The following CEACAM1 variants were observed in gnomAD, a reference collection of about 807,000 sequenced individuals.
The protein encoded by CEACAM1 is cell adhesion molecule CEACAM1.
Under a neutral mutation model 49.1 loss-of-function variants are expected in CEACAM1, and 31 were observed. The ratio of observed to expected loss-of-function variants is 0.63; its 90% CI spans 0.47 to 0.85. The LOEUF is 0.85. Ranked by LOEUF, CEACAM1 falls within the 40% of genes least tolerant of loss-of-function variation. CEACAM1 has a pLI of 0.00. For synonymous variants in CEACAM1, 244 were observed against 247.8 expected (o/e 0.98, Z 0.14); for missense variants, 570 against 645.3 (o/e 0.88, Z 1.26).
At chr19:42,519,513 C>A (rs537435005) in intron 4 of CEACAM1, 9 of 389,112 alleles carry the variant, frequency 2.3e-5, no homozygotes, top group Non-Finnish European at 4.2e-5. Context: ...TTGGAATCTT[C>A]TTCTCAGCGC....
chr19:42,511,508 A>G, intron 7 of CEACAM1, 68 bp downstream of exon 7: 1 of 1,303,436 alleles, frequency 7.7e-7, no homozygotes, highest in Non-Finnish European at 1.1e-6. Context: ...GGAATCCAGG[A>G]TTCCCTGCCA....
intron 2 of CEACAM1, among the ~76,000 whole-genome samples, chr19:42,524,760 G>C (rs1020031891): frequency 6.6e-6 from 1 of 152,194 alleles, no homozygotes; most frequent in Non-Finnish European, 1.5e-5. Context: ...GCCCATGACA[G>C]TGAGCAGTGG....
chr19:42,522,097 A>G lies in CEACAM1; in HGVS notation c.530T>C (p.Leu177Pro). ...GAGGCTCTGATTGTTTATCCACCAC[A>G]GGTAGGTTGTGTCCTGAGTCTCAGG... Reference protein sequence around the residue: ...CEPETQDTTYLWWINNQSLPV... With the variant: ...CEPETQDTTYPWWINNQSLPV... The change falls in exon 3 of 9, where the codon CTG becomes CCG. Residue 177 changes from leucine to proline, a missense_variant. By Grantham distance (98) the Leu-to-Pro change is moderately conservative (BLOSUM62 -3). Transcript: ENST00000161559. 6.2e-7 allele frequency: 1 copy of G among 1,614,148 alleles called. No homozygotes were observed.
intron 5 of CEACAM1, among the ~76,000 whole-genome samples, chr19:42,517,624 A>G (rs62114389): frequency 3.1e-3 from 475 of 152,356 alleles, no homozygotes; most frequent in Non-Finnish European, 4.8e-3. Context: ...CCAATGATAT[A>G]CCACCTTATA....
intron 5 of CEACAM1, among the ~76,000 whole-genome samples, chr19:42,517,828 T>A (rs1568656272): frequency 6.6e-6 from 1 of 152,238 alleles, no homozygotes; most frequent in Non-Finnish European, 1.5e-5. Context: ...CACTTCTGAG[T>A]ATCTATTTAA....
chr19:42,520,921 G>A (rs2041729143), intron 4 of CEACAM1: 1 of 269,318 alleles, frequency 3.7e-6, no homozygotes, highest in South Asian at 6.5e-5. Flanking sequence ...GGTAAAAGAA[G>A]GCCAAGAAGT....
intron 3 of CEACAM1, 43 bp from the exon 4 acceptor site, chr19:42,521,564 GA>G (rs1256046998): frequency 6.3e-7 from 1 of 1,594,572 alleles, no homozygotes; most frequent in African/African-American, 1.3e-5. Context: ...TCATCAGAGG[GA>G]AGGGGAAGCT....
rs1402489710 is a variant in CEACAM1, at chr19:42,519,428, T to G, written c.959-193A>C. 5.0e-6 allele frequency: 3 copies of G among 594,888 alleles called. No homozygotes were observed. In the African/African-American group the frequency reaches 5.6e-5, roughly 11 times the overall value. 36.9% of individuals were successfully genotyped at this position (594,888 alleles called of 1,614,324 possible). A position where few individuals can be genotyped will look rare whatever the true frequency, so the allele number is the denominator to read the frequency against. On this transcript the variant is annotated intron_variant, in intron 4 of 8. Transcript: ENST00000161559. Reference sequence around the variant, plus strand: ...GTGTCTTTGTTCAGGTGATGAATTGTAAGGAGAGGGCTGCACCTCCCTCCT... The same window carrying G: ...GTGTCTTTGTTCAGGTGATGAATTGGAAGGAGAGGGCTGCACCTCCCTCCT...
chr19:42,527,473 C>T, intron 1 of CEACAM1, 73 bp from the exon 2 acceptor site: 3 of 1,523,232 alleles, frequency 2.0e-6, no homozygotes, highest in Non-Finnish European at 2.6e-6. Flanking sequence ...GCCTTGGGTC[C>T]TGAGCAGGTG....
At chr19:42,525,307 C>G (rs1413570418) in intron 2 of CEACAM1, among the ~76,000 whole-genome samples, 2 of 151,420 alleles carry the variant, frequency 1.3e-5, no homozygotes. Context: ...TCACTGCAAC[C>G]TCTGCCTCCT....
intron 5 of CEACAM1, among the ~76,000 whole-genome samples, chr19:42,513,424 C>G (rs530712331): frequency 6.6e-6 from 1 of 152,108 alleles, no homozygotes; most frequent in South Asian, 2.1e-4. Context: ...TGGTGAAACC[C>G]TATCTCTACT....
chr19:42,511,799 T>A (rs1223916468), intron 6 of CEACAM1, among the ~76,000 whole-genome samples, 171 bp from the exon 7 acceptor site: 1 of 152,262 alleles, frequency 6.6e-6, no homozygotes, highest in African/African-American at 2.4e-5. Flanking sequence ...TAGTGTTTAC[T>A]CTTTTCCTGT....
chr19:42,528,133 A>C (rs116436051), intron 1 of CEACAM1, among the ~76,000 whole-genome samples, 178 bp downstream of exon 1: 293 of 152,324 alleles, frequency 1.9e-3, no homozygotes, highest in African/African-American at 6.7e-3. Context: ...TTTATTCACT[A>C]ACAGTTTCAG....
intron 5 of CEACAM1, among the ~76,000 whole-genome samples, chr19:42,513,631 A>G (rs1308111333): frequency 6.6e-6 from 1 of 151,060 alleles, no homozygotes; most frequent in African/African-American, 2.4e-5. Flanking sequence ...ACTTCAATCT[A>G]AAACTTCCTT....
chr19:42,520,992 C>T (rs2041730027), intron 4 of CEACAM1: 1 of 443,138 alleles, frequency 2.3e-6, no homozygotes, highest in South Asian at 3.7e-5. Flanking sequence ...TTCTGCTTCC[C>T]CCTCTGTGAA....
rs575254444 is a variant in CEACAM1, at chr19:42,514,911, T to C, written c.1247-2432A>G. 7 of 560,324 alleles carry C rather than the reference T, an allele frequency of 1.2e-5. No individual in the cohort carries two copies. In the Admixed American group the frequency reaches 1.9e-4, roughly 15 times the overall value. The allele number at this position is 560,324 out of a possible 1,614,324, so 34.7% of individuals were successfully genotyped here. A position where few individuals can be genotyped will look rare whatever the true frequency, so the allele number is the denominator to read the frequency against. Reference sequence around the variant, plus strand: ...ATAGTAGTAGTAATAGCAGCTAACATTTATGAAACATTTCCTCTGTGTGTG... The same window carrying C: ...ATAGTAGTAGTAATAGCAGCTAACACTTATGAAACATTTCCTCTGTGTGTG... On this transcript the variant is annotated intron_variant, in intron 5 of 8. Coordinates refer to ENST00000161559, the MANE Select transcript of CEACAM1 (RefSeq NM_001712.5).
chr19:42,517,584 C>A (rs1166201684), intron 5 of CEACAM1, among the ~76,000 whole-genome samples: 1 of 152,160 alleles, frequency 6.6e-6, no homozygotes, highest in African/African-American at 2.4e-5. Context: ...CTAAATATTG[C>A]TAATCATTAG....
intron 8 of CEACAM1, 40 bp from the exon 9 acceptor site, chr19:42,509,268 A>G (rs754290697): frequency 2.5e-6 from 4 of 1,572,082 alleles, no homozygotes; most frequent in Non-Finnish European, 2.6e-6. Flanking sequence ...TCAGTGACAC[A>G]GGGCAGGGCC....
chr19:42,509,222 C>A lies in CEACAM1; in HGVS notation c.1468G>T (p.Glu490Ter). 9 of 1,608,604 alleles carry A rather than the reference C, an allele frequency of 5.6e-6. No individual in the cohort carries two copies. Among genetic ancestry groups the A allele is most frequent in the Non-Finnish European group, 7.6e-6 (9 of 1,177,196 alleles). ...AAGTTCAGGGTAGAATAAGTAACTT[C>A]ATTCATCTGAAAAGCACAAATAATG... ...HSNDPPNKMN[E>*]VTYSTLNFEA... The change falls in exon 9 of 9, where the codon GAA becomes TAA. Residue 490 changes from glutamate to a stop codon, truncating the protein, a stop_gained. Transcript: ENST00000161559. LOFTEE classifies it low-confidence loss of function (END_TRUNC).
Sources: gnomAD v4.1 joint callset for allele counts (sites outside exome capture counted in the v4.1 genomes callset) on GRCh38, gnomAD v4.1.1 for gene constraint, MANE v1.5 for transcripts, NCBI Gene and HGNC (gene_info 2026-07-23, HGNC 2026-07-21) for gene names.